Variants in GALNT5 observed in about 807,000 individuals in gnomAD.
GALNT5 encodes the protein UDP-GalNAc:polypeptide N-acetylgalactosaminyltransferase 5.
A neutral mutation model predicts 85.4 loss-of-function variants in GALNT5; 72 were observed. The observed-to-expected ratio is 0.84, with a 90% CI of 0.70 to 1.03. The LOEUF is 1.03. GALNT5 is among the 50% of genes least tolerant of loss of function. GALNT5 has a pLI of 0.00. For missense variants in GALNT5, 1,137 were observed against 1,135.5 expected (o/e 1.00, Z -0.02); for synonymous variants, 404 against 397.0 (o/e 1.02, Z -0.21).
rs529794608 is a variant in GALNT5 at position 157,316,413 on chromosome 2, C to A, written c.*5065C>A. ...ATGACTCCTGTATTAATATTACCAA[C>A]CCTTGATCCCTCCAACCTTTAATCA... On this transcript the variant is annotated 3_prime_UTR_variant, in exon 10 of 10. Transcript: ENST00000259056. Among the ~76,000 whole-genome samples, 1 of 151,350 alleles carries A rather than the reference C, an allele frequency of 6.6e-6. No individual in the cohort carries two copies. Among genetic ancestry groups the A allele is most frequent in the South Asian group, 2.1e-4 (1 of 4,796 alleles).
At position 157,299,428 on chromosome 2, in the gene GALNT5, C is replaced by G. The variant is rs556842551; in HGVS notation, c.1998-120C>G. On this transcript the variant is annotated intron_variant, in intron 5 of 9. Transcript: ENST00000259056. ...TTTGTGACTCCATCCCAGGGCTTCC[C>G]TGCATCAGGTAGCTATTCTGAAAAG... 4 of 637,482 alleles carry G rather than the reference C, an allele frequency of 6.3e-6. No homozygotes were observed. In the East Asian group the frequency reaches 1.1e-4, roughly 17 times the overall value. 39.5% of individuals were successfully genotyped at this position (637,482 alleles called of 1,614,324 possible).
At chr2:157,297,035 T>C (rs1558901241) in intron 5 of GALNT5, among the ~76,000 whole-genome samples, 1 of 152,158 alleles carries the variant, frequency 6.6e-6, no homozygotes, top group Non-Finnish European at 1.5e-5. Context: ...GAAACTGCAT[T>C]GAAGAACACA....
Position 157,259,023 on chromosome 2 carries a change from A to C in GALNT5, c.941A>C (p.Lys314Thr), listed in dbSNP as rs758291734. ...DDGARGAHGK[K>T]LNFSESHLVI... is the part of the protein sequence containing the mutation. Reference sequence around the variant, plus strand: ...GGAGCTAGAGGGGCTCATGGGAAGAAACTCAATTTCTCTGAAAGCCATCTT... The same window carrying C: ...GGAGCTAGAGGGGCTCATGGGAAGACACTCAATTTCTCTGAAAGCCATCTT... Residue 314 changes from lysine (K) to threonine (T), a missense_variant, in exon 1 of 10, where the codon AAA becomes ACA. Coordinates refer to ENST00000259056, the MANE Select transcript of GALNT5 (RefSeq NM_014568.3). 1.8e-5 allele frequency: 27 copies of C among 1,474,770 alleles called. 2 individuals are homozygous for C. Among genetic ancestry groups the C allele is most frequent in the Middle Eastern group, 1.8e-4 (1 of 5,470 alleles). The allele number at this position is 1,474,770 out of a possible 1,614,324, so 91.4% of individuals were successfully genotyped here. A position where few individuals can be genotyped will look rare whatever the true frequency, so the allele number is the denominator to read the frequency against.
intron 3 of GALNT5, among the ~76,000 whole-genome samples, chr2:157,295,057 G>T (rs1341159159): frequency 1.3e-5 from 2 of 151,606 alleles, no homozygotes; most frequent in African/African-American, 4.8e-5. Context: ...AAGTGTGCAG[G>T]CCCATAGTGT....
chr2:157,288,840 C>A (rs1683030948), intron 3 of GALNT5, among the ~76,000 whole-genome samples: 1 of 151,984 alleles, frequency 6.6e-6, no homozygotes, highest in South Asian at 2.1e-4. Context: ...AGGGAGGTGC[C>A]AGGGTAAATG....
At position 157,296,487 on chromosome 2, in the gene GALNT5, CAG is replaced by C; in HGVS notation, c.1973_1974del (p.Arg658AsnfsTer2). The C allele has an allele frequency of 6.2e-7, 1 of 1,609,564 alleles. No homozygotes were observed. Among genetic ancestry groups the C allele is most frequent in the Non-Finnish European group, 8.5e-7 (1 of 1,176,178 alleles). On this transcript the variant is annotated frameshift_variant, in exon 5 of 10. Transcript: ENST00000259056. LOFTEE classifies it high-confidence loss of function. ...TIPPDVIAKN[R>X]IKETDTIRCP... ...TTCCTCCAGATGTCATTGCAAAAAACAGAATTAAAGAAACTGATACAATAAGG... is the reference window on the plus strand; with the variant it reads ...TTCCTCCAGATGTCATTGCAAAAAACAATTAAAGAAACTGATACAATAAGG...
Position 157,305,757 on chromosome 2 carries a change from T to G in GALNT5, c.2448T>G (p.Asn816Lys). 6.3e-7 allele frequency: 1 copy of G among 1,595,694 alleles called. No individual in the cohort carries two copies. The highest frequency in any genetic ancestry group is 8.6e-7 in the Non-Finnish European group (1 of 1,163,674). The part of the protein sequence containing the change: ...PIVRASGVLI[N>K]VALGKCISIE... ...CGTATTTTGCTTTTTAGCTTATTAA[T>G]GTGGCTTTGGGTAAATGCATTTCCA... Residue 816 changes from asparagine to lysine, a missense_variant, in exon 8 of 10, where the codon AAT becomes AAG. Coordinates refer to ENST00000259056, the MANE Select transcript of GALNT5 (RefSeq NM_014568.3).
intron 1 of GALNT5, among the ~76,000 whole-genome samples, chr2:157,265,032 G>C (rs1055600754): frequency 1.3e-5 from 2 of 152,138 alleles, no homozygotes; most frequent in Non-Finnish European, 2.9e-5. Flanking sequence ...AACCTCATGA[G>C]ATGAATTCAA....
chr2:157,307,982 A>G (rs536407522), intron 8 of GALNT5, among the ~76,000 whole-genome samples: 5 of 152,306 alleles, frequency 3.3e-5, no homozygotes, highest in South Asian at 2.1e-4. Context: ...GGGGATGCCA[A>G]CCTGGTAGCA....
chr2:157,266,569 A>T (rs930206162), intron 1 of GALNT5, among the ~76,000 whole-genome samples: 1 of 152,124 alleles, frequency 6.6e-6, no homozygotes, highest in Non-Finnish European at 1.5e-5. Context: ...ATGCATGTAG[A>T]CTTATGTGTG....
Position 157,317,166 on chromosome 2 carries a change from A to ATG in GALNT5, c.*5826_*5827dup, listed in dbSNP as rs1389307364. Among the ~76,000 whole-genome samples, 613 of 139,988 alleles carry ATG rather than the reference A, an allele frequency of 4.4e-3. 4 individuals are homozygous for ATG. Among genetic ancestry groups the ATG allele is most frequent in the South Asian group, 0.018 (82 of 4,442 alleles). 91.8% of individuals were successfully genotyped at this position (139,988 alleles called of 152,430 possible). ...ATAGCAATTTTTGTAAATATACTGT[A>ATG]TGTGTGTGTATATATATATATATAT... On this transcript the variant is annotated 3_prime_UTR_variant, in exon 10 of 10. Coordinates refer to ENST00000259056, the MANE Select transcript of GALNT5 (RefSeq NM_014568.3).
rs1410823486 is a variant in GALNT5, at chr2:157,259,529, C to T, written c.1447C>T (p.Pro483Ser). 7.4e-7 allele frequency: 1 copy of T among 1,342,926 alleles called. No individual in the cohort carries two copies. Among genetic ancestry groups the T allele is most frequent in the Admixed American group, 2.8e-5 (1 of 35,542 alleles). The allele number at this position is 1,342,926 out of a possible 1,614,324, so 83.2% of individuals were successfully genotyped here. A position where few individuals can be genotyped will look rare whatever the true frequency, so the allele number is the denominator to read the frequency against. ...PVDRAIEDTR[P>S]AGCAEQLVHN... ...GGATAGAGCCATTGAAGACACCAGA[C>T]CTGCTGGGTAAGACCTATTTCTCTT... is the stretch of plus-strand genomic sequence containing the variant. The change falls in exon 1 of 10, where the codon CCT (proline) becomes TCT (serine). Residue 483 changes from proline (P) to serine (S), a missense_variant. Coordinates refer to ENST00000259056, the MANE Select transcript of GALNT5 (RefSeq NM_014568.3).
chr2:157,293,677 A>C (rs1056387786), intron 3 of GALNT5, among the ~76,000 whole-genome samples: 3 of 152,124 alleles, frequency 2.0e-5, no homozygotes, highest in Non-Finnish European at 4.4e-5. Flanking sequence ...CCTCAAGAAC[A>C]CTCCACACCA....
intron 1 of GALNT5, among the ~76,000 whole-genome samples, chr2:157,271,306 G>T (rs1192526338): frequency 6.6e-6 from 1 of 152,188 alleles, no homozygotes; most frequent in Non-Finnish European, 1.5e-5. Context: ...TGAGGGGAGA[G>T]TGGAATGACA....
At chr2:157,264,597 GT>G (rs113192643) in intron 1 of GALNT5, among the ~76,000 whole-genome samples, 9,036 of 151,096 alleles carry the variant, frequency 0.06, 910 homozygotes, top group African/African-American at 0.2. Flanking sequence ...CTAAAGAAAG[GT>G]TTTTTTTTGG....
rs568449536 is a variant in GALNT5 at position 157,317,414 on chromosome 2, T to G, written c.*6066T>G. On this transcript the variant is annotated 3_prime_UTR_variant, in exon 10 of 10. Coordinates refer to ENST00000259056, the MANE Select transcript of GALNT5 (RefSeq NM_014568.3). Reference sequence around the variant, plus strand: ...GTAATCAAGTTCTTAATTATCAGGGTGCTTGTTATTTAGTTGAAGATTACA... The same window carrying G: ...GTAATCAAGTTCTTAATTATCAGGGGGCTTGTTATTTAGTTGAAGATTACA... 6.6e-6 allele frequency among the ~76,000 whole-genome samples: 1 copy of G among 152,126 alleles called. No homozygotes were observed. Among genetic ancestry groups the G allele is most frequent in the East Asian group, 1.9e-4 (1 of 5,182 alleles).
chr2:157,283,142 T>C lies in GALNT5; in HGVS notation c.1455-1140T>C, dbSNP rs1282196494. Reference sequence around the variant, plus strand: ...CAGTGTTCGAGTCCCAGCTCTGCCATTTACTAACTGCAGAATCATGGACTA... The same window carrying C: ...CAGTGTTCGAGTCCCAGCTCTGCCACTTACTAACTGCAGAATCATGGACTA... On this transcript the variant is annotated intron_variant, in intron 1 of 9. Coordinates refer to ENST00000259056, the MANE Select transcript of GALNT5 (RefSeq NM_014568.3). 2.6e-5 allele frequency among the ~76,000 whole-genome samples: 4 copies of C among 152,340 alleles called. No homozygotes were observed. The East Asian group carries it at 7.7e-4, about 29-fold the overall frequency.
chr2:157,316,697 T>A lies in GALNT5; in HGVS notation c.*5349T>A, dbSNP rs1012610439. Among the ~76,000 whole-genome samples the A allele has an allele frequency of 6.6e-6, 1 of 152,156 alleles. No homozygotes were observed. Among genetic ancestry groups the A allele is most frequent in the African/African-American group, 2.4e-5 (1 of 41,446 alleles). On this transcript the variant is annotated 3_prime_UTR_variant, in exon 10 of 10. Coordinates refer to ENST00000259056, the MANE Select transcript of GALNT5 (RefSeq NM_014568.3). ...AATAAGCCATATAAAGTATTATATATCCCTAATGAAGCTTAATGGATAGTA... is the reference window on the plus strand; with the variant it reads ...AATAAGCCATATAAAGTATTATATAACCCTAATGAAGCTTAATGGATAGTA...
chr2:157,270,079 T>A (rs2105124258), intron 1 of GALNT5, among the ~76,000 whole-genome samples: 1 of 152,272 alleles, frequency 6.6e-6, no homozygotes, highest in African/African-American at 2.4e-5. Flanking sequence ...TTTTCTTCTG[T>A]ACCCTCCCTT....
Sources: allele counts gnomAD v4.1 joint callset (sites outside exome capture counted in the v4.1 genomes callset), GRCh38; gene constraint gnomAD v4.1.1; transcripts MANE v1.5; gene names NCBI Gene and HGNC (gene_info 2026-07-23, HGNC 2026-07-21).